GLIS1: variants seen among roughly 807,000 people sequenced by gnomAD.
GLIS1 encodes zinc finger protein GLIS1.
A neutral mutation model predicts 63.8 loss-of-function variants in GLIS1; 24 were observed. That is an observed-to-expected ratio of 0.38 (90% CI 0.27 to 0.53). The LOEUF (loss-of-function observed/expected upper bound fraction) is 0.53, where lower values mean the gene tolerates loss of function less well. Among genes scored for constraint, GLIS1 ranks in the 20% least tolerant of loss-of-function variants. The pLI is 0.85. For synonymous variants in GLIS1, 450 were observed against 482.5 expected (o/e 0.93, Z 0.88); for missense variants, 1,036 against 1,074.1 (o/e 0.96, Z 0.50).
intron 2 of GLIS1, among the ~76,000 whole-genome samples, chr1:53,665,707 G>A (rs141403987): frequency 3.0e-4 from 45 of 152,292 alleles, no homozygotes; most frequent in African/African-American, 9.4e-4. Context: ...ACTTATAGAC[G>A]AAGAATCAGC....
At chr1:53,642,249 A>T (rs1323768565) in intron 2 of GLIS1, among the ~76,000 whole-genome samples, 1 of 152,232 alleles carries the variant, frequency 6.6e-6, no homozygotes, top group Admixed American at 6.5e-5. Context: ...GGGACACTGT[A>T]ATTATAAACA....
At chr1:53,712,597 G>A (rs12080903) in intron 2 of GLIS1, among the ~76,000 whole-genome samples, 35,738 of 152,130 alleles carry the variant, frequency 0.23, 4,257 homozygotes, top group East Asian at 0.28. Flanking sequence ...TTGAAGGCCG[G>A]GCCCAGCACA....
rs561347700 is a variant in GLIS1 at position 53,532,048 on chromosome 1, T to C, written c.1321-2096A>G. On this transcript the variant is annotated intron_variant, in intron 4 of 10. Coordinates refer to ENST00000628545, the MANE Select transcript of GLIS1 (RefSeq NM_001367484.1). ...ACGCTGGGGGTGGGCTGGGCTCTAC[T>C]GGGCAAGGAGTCTGCAGGGAGCTCA... Among the ~76,000 whole-genome samples, 87 of 152,210 alleles carry C rather than the reference T, an allele frequency of 5.7e-4. No individual in the cohort carries two copies. In the East Asian group the frequency reaches 0.017, roughly 29 times the overall value.
chr1:53,541,219 C>A (rs556732496), intron 4 of GLIS1, among the ~76,000 whole-genome samples: 3 of 152,210 alleles, frequency 2.0e-5, no homozygotes, highest in African/African-American at 7.2e-5. Context: ...GGGACAGAGC[C>A]GGATGATGTG....
intron 2 of GLIS1, among the ~76,000 whole-genome samples, chr1:53,624,983 T>A (rs561471285): frequency 6.6e-6 from 1 of 152,288 alleles, no homozygotes; most frequent in South Asian, 2.1e-4. Flanking sequence ...GCAATAGCAA[T>A]CCTAGTCTGT....
intron 2 of GLIS1, among the ~76,000 whole-genome samples, chr1:53,664,759 T>A (rs1385229183): frequency 6.6e-6 from 1 of 152,028 alleles, no homozygotes; most frequent in African/African-American, 2.4e-5. Flanking sequence ...TGGGGTGCAA[T>A]TTAAAGCAAG....
At chr1:53,699,767 C>G (rs11591073) in intron 2 of GLIS1, among the ~76,000 whole-genome samples, 6,982 of 152,252 alleles carry the variant, frequency 0.046, 229 homozygotes, top group Non-Finnish European at 0.067. Context: ...GGACAGCTAC[C>G]TTCCCACTGT....
intron 2 of GLIS1, among the ~76,000 whole-genome samples, chr1:53,731,113 G>A (rs1646855642): frequency 6.6e-6 from 1 of 152,216 alleles, no homozygotes; most frequent in African/African-American, 2.4e-5. Context: ...TCCCCATATG[G>A]CAAGAAAGAC....
intron 2 of GLIS1, among the ~76,000 whole-genome samples, chr1:53,632,066 A>T (rs1645658413): frequency 6.7e-6 from 1 of 149,552 alleles, no homozygotes; most frequent in South Asian, 2.1e-4. Flanking sequence ...AGTGTGCGGG[A>T]TGTGTGAATG....
Position 53,738,005 on chromosome 1 carries a change from C to T in GLIS1, c.60G>A (p.Ala20=). The T allele has an allele frequency of 1.6e-6, 2 of 1,230,676 alleles. No individual in the cohort carries two copies. Among genetic ancestry groups the T allele is most frequent in the Non-Finnish European group, 1.0e-6 (1 of 987,276 alleles). The allele number at this position is 1,230,676 out of a possible 1,614,324, so 76.2% of individuals were successfully genotyped here. Residue 20 remains alanine, a synonymous_variant, in exon 2 of 11, where the codon GCG becomes GCA. Transcript: ENST00000628545. ...TGGCGGGGCCGCGGTCGGGGCCGGGCGCACCAGGGGCCTCCTTAGGCCTCT... is the reference window on the plus strand; with the variant it reads ...TGGCGGGGCCGCGGTCGGGGCCGGGTGCACCAGGGGCCTCCTTAGGCCTCT... ...SDKRPKEAPG[A]PGPDRGPASL... is the part of the protein sequence containing the mutation.
At chr1:53,604,912 ATGTGTG>A (rs763835438) in intron 2 of GLIS1, among the ~76,000 whole-genome samples, 8 of 36,862 alleles carry the variant, frequency 2.2e-4, no homozygotes, top group African/African-American at 3.0e-4. Context: ...ATATATATAT[ATGTGTG>A]TGTGTGTGTG....
At chr1:53,561,416 A>C (rs1644891134) in intron 4 of GLIS1, among the ~76,000 whole-genome samples, 1 of 152,232 alleles carries the variant, frequency 6.6e-6, no homozygotes, top group Non-Finnish European at 1.5e-5. Context: ...CTCAGCCTAC[A>C]CTGTAAATCA....
intron 4 of GLIS1, among the ~76,000 whole-genome samples, chr1:53,543,335 G>A (rs1432534816): frequency 6.6e-6 from 1 of 152,134 alleles, no homozygotes; most frequent in African/African-American, 2.4e-5. Context: ...CTACTCTTTC[G>A]GCGGACTGCC....
chr1:53,542,145 C>A (rs531358312), intron 4 of GLIS1, among the ~76,000 whole-genome samples: 1 of 152,348 alleles, frequency 6.6e-6, no homozygotes, highest in African/African-American at 2.4e-5. Context: ...CCAGAGGAGC[C>A]CCCTGGGCCA....
chr1:53,691,999 C>T (rs1646411247), intron 2 of GLIS1, among the ~76,000 whole-genome samples: 1 of 152,124 alleles, frequency 6.6e-6, no homozygotes. Context: ...CACCTATAAT[C>T]TAACCTGGAG....
intron 2 of GLIS1, among the ~76,000 whole-genome samples, chr1:53,687,648 A>C (rs3013776): frequency 6.6e-6 from 1 of 152,104 alleles, no homozygotes; most frequent in Middle Eastern, 3.2e-3. Flanking sequence ...AAGGGGCAGC[A>C]CCAGGTCAGA....
chr1:53,590,377 G>A (rs1282739116), intron 4 of GLIS1, among the ~76,000 whole-genome samples: 1 of 151,968 alleles, frequency 6.6e-6, no homozygotes, highest in Non-Finnish European at 1.5e-5. Context: ...TCACAGCTTT[G>A]GTAAAACTCT....
At chr1:53,548,084 A>G (rs982021629) in intron 4 of GLIS1, among the ~76,000 whole-genome samples, 4 of 152,188 alleles carry the variant, frequency 2.6e-5, no homozygotes, top group Non-Finnish European at 5.9e-5. Flanking sequence ...CTGTTTTCGC[A>G]CGGGGGGCAT....
chr1:53,668,855 A>C (rs1405328645), intron 2 of GLIS1, among the ~76,000 whole-genome samples: 2 of 152,176 alleles, frequency 1.3e-5, no homozygotes, highest in African/African-American at 4.8e-5. Flanking sequence ...GAACGTATCC[A>C]CAACACTGGG....
Sources: allele counts gnomAD v4.1 joint callset (sites outside exome capture counted in the v4.1 genomes callset), GRCh38; gene constraint gnomAD v4.1.1; transcripts MANE v1.5; gene names NCBI Gene and HGNC (gene_info 2026-07-23, HGNC 2026-07-21).